FANCM: variants seen among roughly 807,000 people sequenced by gnomAD.
The protein encoded by FANCM is Fanconi anemia group M protein.
In FANCM, 140 loss-of-function variants were observed where a neutral mutation model predicts 199.5. The observed-to-expected ratio is 0.70, with a 90% CI of 0.61 to 0.81. The LOEUF is 0.81. Ranked by LOEUF, FANCM falls within the 30% of genes least tolerant of loss-of-function variation. The pLI, the probability that FANCM is intolerant of heterozygous loss-of-function variation, is 0.00. For missense variants in FANCM, 2,410 were observed against 2,421.4 expected (o/e 1.00, Z 0.10); for synonymous variants, 840 against 836.8 (o/e 1.00, Z -0.07).
At chr14:45,180,432 G>GT (rs558348932) in intron 14 of FANCM, among the ~76,000 whole-genome samples, 3,824 of 144,444 alleles carry the variant, frequency 0.026, 82 homozygotes, top group African/African-American at 0.06. Context: ...AGTATGTGGT[G>GT]TTTTTTTTTT....
chr14:45,153,814 G>C, intron 5 of FANCM, 106 bp from the exon 6 acceptor site: 3 of 875,344 alleles, frequency 3.4e-6, no homozygotes, highest in Admixed American at 3.4e-5. Flanking sequence ...ATGATCATTT[G>C]GATTATATTA....
At chr14:45,164,615 C>G (rs1887837457) in intron 10 of FANCM, 50 bp downstream of exon 10, 1 of 1,372,566 alleles carries the variant, frequency 7.3e-7, no homozygotes, top group African/African-American at 1.4e-5. Context: ...TTGAGAAATA[C>G]AGCCCAAAGG....
rs750443703 is a variant in FANCM, at chr14:45,136,475, A to T, written c.444A>T (p.Thr148=). 1 of 1,614,170 alleles carries T rather than the reference A, an allele frequency of 6.2e-7. No individual in the cohort carries two copies. The highest frequency in any genetic ancestry group is 8.5e-7 in the Non-Finnish European group (1 of 1,180,020). The change falls in exon 1 of 23, where the codon ACA becomes ACT. Residue 148 remains threonine (T), a synonymous_variant. Transcript: ENST00000267430. ...VFMAPTKPLV[T]QQIEACYQVM... Reference sequence around the variant, plus strand: ...TGGCCCCAACGAAACCCTTGGTGACACAGCAGATCGAGGCTTGCTACCAGG... The same window carrying T: ...TGGCCCCAACGAAACCCTTGGTGACTCAGCAGATCGAGGCTTGCTACCAGG...
chr14:45,166,815 C>G (rs531271035), intron 10 of FANCM, 135 bp from the exon 11 acceptor site: 2 of 633,144 alleles, frequency 3.2e-6, no homozygotes, highest in South Asian at 4.0e-5. Flanking sequence ...AACAGAAGCT[C>G]CATTTTCTAA....
intron 8 of FANCM, among the ~76,000 whole-genome samples, chr14:45,158,564 A>G (rs2139184536): frequency 6.6e-6 from 1 of 152,188 alleles, no homozygotes; most frequent in Non-Finnish European, 1.5e-5. Context: ...GGATTAAGAC[A>G]TTTCCTTTAG....
At position 45,194,545 on chromosome 14, in the gene FANCM, A is replaced by G. The variant is rs537364371; in HGVS notation, c.5341-1627A>G. ...TACTTAAAACTGTATCCTCAGGTTC[A>G]CTTAATAGTAATATACAGATATATA... On this transcript the variant is annotated intron_variant, in intron 20 of 22. Coordinates refer to ENST00000267430, the MANE Select transcript of FANCM (RefSeq NM_020937.4). Among the ~76,000 whole-genome samples, 3 of 152,242 alleles carry G rather than the reference A, an allele frequency of 2.0e-5. No individual in the cohort carries two copies. The East Asian group carries it at 5.8e-4, about 29-fold the overall frequency.
At position 45,154,806 on chromosome 14, in the gene FANCM, T is replaced by C; in HGVS notation, c.1293T>C (p.Ile431=). 6.2e-7 allele frequency: 1 copy of C among 1,608,034 alleles called. No homozygotes were observed. The highest frequency in any genetic ancestry group is 2.2e-5 in the East Asian group (1 of 44,598). The change falls in exon 7 of 23, where the codon ATT becomes ATC. Residue 431 remains isoleucine (I), a synonymous_variant. Transcript: ENST00000267430. ...ARTRSTSANG[I]SAIQQGDKNK... is the part of the protein sequence containing the mutation. Reference sequence around the variant, plus strand: ...CACGTAGTACTTCAGCAAATGGTATTTCTGCTATCCAACAAGGTCTGGTTT... The same window carrying C: ...CACGTAGTACTTCAGCAAATGGTATCTCTGCTATCCAACAAGGTCTGGTTT...
intron 21 of FANCM, 39 bp downstream of exon 21, chr14:45,196,586 AGG>A (rs1566791005): frequency 6.3e-7 from 1 of 1,593,422 alleles, no homozygotes; most frequent in East Asian, 2.2e-5. Context: ...AAGACTGTAA[AGG>A]AACTTTACGG....
intron 17 of FANCM, 114 bp downstream of exon 17, chr14:45,184,016 T>G: frequency 1.3e-6 from 1 of 743,696 alleles, no homozygotes; most frequent in East Asian, 2.9e-5. Flanking sequence ...AAATTAAGTA[T>G]TTTGACACCC....
intron 3 of FANCM, among the ~76,000 whole-genome samples, chr14:45,148,200 A>ACACACACACACACAC (rs1566731408): frequency 4.2e-5 from 6 of 142,436 alleles, no homozygotes; most frequent in South Asian, 2.3e-4. Context: ...CCGTCTCAAA[A>ACACACACACACACAC]ACACACACAC....
chr14:45,148,385 C>G (rs1170573154), intron 3 of FANCM, among the ~76,000 whole-genome samples: 1 of 151,894 alleles, frequency 6.6e-6, no homozygotes, highest in Non-Finnish European at 1.5e-5. Context: ...ACAATGAAGT[C>G]TCTTTATAAG....
intron 12 of FANCM, among the ~76,000 whole-genome samples, chr14:45,171,354 A>G (rs2415883): frequency 0.22 from 33,725 of 151,696 alleles, 5,385 homozygotes; most frequent in African/African-American, 0.45. Context: ...ATAGTTTTTG[A>G]GGAACAGGTG....
At chr14:45,180,628 G>A (rs923070154) in intron 14 of FANCM, among the ~76,000 whole-genome samples, 2 of 151,960 alleles carry the variant, frequency 1.3e-5, no homozygotes, top group East Asian at 3.9e-4. Flanking sequence ...TGTAGAGAGG[G>A]TTCTGTCATG....
At chr14:45,181,766 G>T (rs1889089935) in intron 16 of FANCM, 61 bp downstream of exon 16, 1 of 1,001,364 alleles carries the variant, frequency 1.0e-6, no homozygotes, top group Admixed American at 1.8e-5. Flanking sequence ...AATTTTGAGA[G>T]AAATATATGT....
chr14:45,140,996 C>A (rs1477778971), intron 3 of FANCM, among the ~76,000 whole-genome samples: 2 of 152,060 alleles, frequency 1.3e-5, no homozygotes, highest in African/African-American at 2.4e-5. Context: ...CTATGATTGC[C>A]ACTGTGCTGC....
intron 9 of FANCM, among the ~76,000 whole-genome samples, chr14:45,164,138 G>A (rs1341072264): frequency 2.6e-5 from 4 of 152,092 alleles, no homozygotes; most frequent in Non-Finnish European, 5.9e-5. Flanking sequence ...TAGAGACAGG[G>A]TTTTTCTATG....
At position 45,199,998 on chromosome 14, in the gene FANCM, C is replaced by G. The variant is rs368311802; in HGVS notation, c.6137C>G (p.Ser2046Cys). Residue 2046 changes from serine to cysteine, a missense_variant, in exon 23 of 23, where the codon TCT becomes TGT. Physicochemically the swap from Ser to Cys is moderately radical, Grantham distance 112. Transcript: ENST00000267430. ...GATCTTAACCAAGATAGACTGAAAT[C>G]TGATATATAATCAAGCTGCTCAAGA... ...PNDLNQDRLK[S>C]DI 3 of 1,607,366 alleles carry G rather than the reference C, an allele frequency of 1.9e-6. No individual in the cohort carries two copies. The African/African-American group carries it at 4.0e-5, about 22-fold the overall frequency.
In FANCM at chr14:45,136,150, C is replaced by T. The variant is rs750184645; in HGVS notation, c.119C>T (p.Ala40Val). Residue 40 changes from alanine to valine, a missense_variant, in exon 1 of 23, where the codon GCG becomes GTG. By Grantham distance (64) the Ala-to-Val change is moderately conservative (BLOSUM62 0). Transcript: ENST00000267430. ...ERPQSPGSSK[A>V]PLPAAAEAQL... ...CCTCAGAGCCCTGGCAGCTCCAAGGCGCCTTTGCCAGCAGCAGCGGAGGCT... is the reference window on the plus strand; with the variant it reads ...CCTCAGAGCCCTGGCAGCTCCAAGGTGCCTTTGCCAGCAGCAGCGGAGGCT... 6.2e-7 allele frequency: 1 copy of T among 1,614,176 alleles called. No individual in the cohort carries two copies. The highest frequency in any genetic ancestry group is 8.5e-7 in the Non-Finnish European group (1 of 1,180,044).
intron 3 of FANCM, among the ~76,000 whole-genome samples, chr14:45,141,397 T>A (rs1885930876): frequency 6.6e-6 from 1 of 151,672 alleles, no homozygotes; most frequent in African/African-American, 2.4e-5. Flanking sequence ...TTGGTATTTA[T>A]CTAGTTTAAC....
Sources: allele counts gnomAD v4.1 joint callset (sites outside exome capture counted in the v4.1 genomes callset), GRCh38; gene constraint gnomAD v4.1.1; transcripts MANE v1.5; gene names NCBI Gene and HGNC (gene_info 2026-07-23, HGNC 2026-07-21).